NHSL3: variants seen among roughly 807,000 people sequenced by gnomAD.
The protein encoded by NHSL3 is NHS like 3, also known as NHS-like protein 3.
the NHSL3 span, among the ~76,000 whole-genome samples, chr1:32,747,661 C>T: frequency 6.6e-6 from 1 of 152,058 alleles, no homozygotes; most frequent in African/African-American, 2.4e-5. Flanking sequence ...GCCTGGATGT[C>T]ATAGGAAGGG....
the NHSL3 span, chr1:32,772,903 C>T: frequency 6.2e-7 from 1 of 1,613,790 alleles, no homozygotes; most frequent in Non-Finnish European, 8.5e-7. Flanking sequence ...AGGCACCTCA[C>T]TGGCACTGCT....
chr1:32,769,490 CATT>C, the NHSL3 span, among the ~76,000 whole-genome samples: 2 of 152,320 alleles, frequency 1.3e-5, no homozygotes, highest in South Asian at 2.1e-4. Context: ...AAATTACCAT[CATT>C]GACTTAGTAG....
the NHSL3 span, chr1:32,742,335 C>T: frequency 1.3e-6 from 1 of 779,426 alleles, no homozygotes. Flanking sequence ...GGGCTGAGTC[C>T]GAACACTTCC....
At chr1:32,766,175 C>T in the NHSL3 span, among the ~76,000 whole-genome samples, 84 of 152,088 alleles carry the variant, frequency 5.5e-4, 1 homozygote, top group African/African-American at 2.0e-3. Context: ...GAGGATGGGA[C>T]GTGGGCGGCC....
the NHSL3 span, chr1:32,772,575 C>A: frequency 7.2e-7 from 1 of 1,389,104 alleles, no homozygotes. Context: ...GGCAAGCTGT[C>A]ACCCTTGCTG....
At chr1:32,768,005 A>G in the NHSL3 span, 1 of 1,612,540 alleles carries the variant, frequency 6.2e-7, no homozygotes, top group Non-Finnish European at 8.5e-7. Flanking sequence ...CCAGTGCTGC[A>G]CTGTCAGCTG....
chr1:32,756,150 C>G, the NHSL3 span, among the ~76,000 whole-genome samples: 1 of 152,128 alleles, frequency 6.6e-6, no homozygotes, highest in African/African-American at 2.4e-5. Flanking sequence ...CAAGACAACA[C>G]AGAAATTAAG....
the NHSL3 span, chr1:32,769,680 C>A: frequency 6.2e-7 from 1 of 1,612,342 alleles, no homozygotes. Context: ...CAGGCTCCAC[C>A]TTCCGACCCC....
chr1:32,752,307 T>G, the NHSL3 span, among the ~76,000 whole-genome samples: 1 of 152,180 alleles, frequency 6.6e-6, no homozygotes, highest in South Asian at 2.1e-4. Flanking sequence ...GAGGGTTTGC[T>G]GGAGCCATCG....
chr1:32,770,237 A>G, the NHSL3 span: 3 of 1,603,966 alleles, frequency 1.9e-6, no homozygotes, highest in East Asian at 6.7e-5. The surrounding 1 kb of genome is among the most constrained non-coding windows in gnomAD (Gnocchi z 8.3). Context: ...TACCTGTCGA[A>G]GTTGATTCCA....
At chr1:32,742,051 G>A in the NHSL3 span, 17 of 1,262,180 alleles carry the variant, frequency 1.3e-5, no homozygotes, top group South Asian at 2.0e-4. Flanking sequence ...CGGCGCGTCC[G>A]GCCTCCGCCG....
At chr1:32,772,841 G>C in the NHSL3 span, 1 of 1,613,622 alleles carries the variant, frequency 6.2e-7, no homozygotes, top group South Asian at 1.1e-5. Flanking sequence ...CCCTTGCTAA[G>C]TGTCTCTTAT....
At chr1:32,762,796 A>G in the NHSL3 span, among the ~76,000 whole-genome samples, 1 of 151,772 alleles carries the variant, frequency 6.6e-6, no homozygotes, top group East Asian at 2.0e-4. Context: ...CACCATATTG[A>G]CCAGGCTGGT....
chr1:32,756,778 A>G, the NHSL3 span, among the ~76,000 whole-genome samples: 1 of 151,686 alleles, frequency 6.6e-6, no homozygotes, highest in Non-Finnish European at 1.5e-5. Context: ...AGACCAGCCC[A>G]GCCAACATGG....
At chr1:32,751,159 G>T in the NHSL3 span, among the ~76,000 whole-genome samples, 1 of 152,142 alleles carries the variant, frequency 6.6e-6, no homozygotes, top group Non-Finnish European at 1.5e-5. Flanking sequence ...GCTCATTCTT[G>T]TGGTTCCTGG....
the NHSL3 span, chr1:32,767,983 C>T: frequency 1.2e-6 from 2 of 1,611,736 alleles, no homozygotes; most frequent in Non-Finnish European, 1.7e-6. Flanking sequence ...ACTCCCCTCC[C>T]CTCTCCTCCC....
chr1:32,748,147 CA>C, the NHSL3 span, among the ~76,000 whole-genome samples: 1 of 151,956 alleles, frequency 6.6e-6, no homozygotes, highest in Non-Finnish European at 1.5e-5. Context: ...GGCGTAGTGG[CA>C]GGCGCCTGTA....
the NHSL3 span, chr1:32,770,883 G>T: frequency 6.2e-7 from 1 of 1,609,096 alleles, no homozygotes. The surrounding 1 kb of genome is among the most constrained non-coding windows in gnomAD (Gnocchi z 8.3). Context: ...GTGGTTCCCG[G>T]CGCCCCCCAC....
chr1:32,745,352 G>A, the NHSL3 span, among the ~76,000 whole-genome samples: 1 of 151,518 alleles, frequency 6.6e-6, no homozygotes, highest in Non-Finnish European at 1.5e-5. Flanking sequence ...GAGGTCGCGA[G>A]TTTAAGACCA....
Sources: allele counts gnomAD v4.1 joint callset (sites outside exome capture counted in the v4.1 genomes callset), GRCh38; gene constraint gnomAD v4.1.1; non-coding constraint Gnocchi (gnomAD v3.1); transcripts MANE v1.5; gene names NCBI Gene and HGNC (gene_info 2026-07-23, HGNC 2026-07-21).